C9orf43: variants seen among roughly 807,000 people sequenced by gnomAD.
The protein encoded by C9orf43 is chromosome 9 open reading frame 43.
Under a neutral mutation model 59.1 loss-of-function variants are expected in C9orf43, and 45 were observed. That is an observed-to-expected ratio of 0.76 (90% CI 0.60 to 0.98). C9orf43 has a LOEUF of 0.98. C9orf43 is among the 50% of genes least tolerant of loss of function. C9orf43 has a pLI of 0.00. For synonymous variants in C9orf43, 203 were observed against 196.8 expected, an observed-to-expected ratio of 1.03 and a Z score of -0.26; for missense variants, 533 against 554.9, an observed-to-expected ratio of 0.96 and a Z score of 0.40.
intron 3 of C9orf43, among the ~76,000 whole-genome samples, chr9:113,415,561 T>G (rs1471943437): frequency 6.6e-6 from 1 of 152,038 alleles, no homozygotes; most frequent in Non-Finnish European, 1.5e-5. Flanking sequence ...AATCCCAGAG[T>G]GTTAGGATTA....
intron 4 of C9orf43, chr9:113,420,766 A>T (rs1157502374): frequency 1.0e-6 from 1 of 985,248 alleles, no homozygotes; most frequent in Non-Finnish European, 1.2e-6. Context: ...GTGGGATCTA[A>T]GTCTTTGGAG....
intron 9 of C9orf43, 54 bp downstream of exon 9, chr9:113,425,130 T>C (rs1828740021): frequency 3.9e-6 from 6 of 1,554,836 alleles, no homozygotes; most frequent in Admixed American, 1.7e-5. Context: ...TTAGCCCACA[T>C]TTCTCATACT....
At chr9:113,427,166 C>T (rs1217525015) in intron 11 of C9orf43, among the ~76,000 whole-genome samples, 1 of 152,054 alleles carries the variant, frequency 6.6e-6, no homozygotes, top group Non-Finnish European at 1.5e-5. Flanking sequence ...AATTGTGAAG[C>T]TTTTATTTAT....
intron 10 of C9orf43, 28 bp downstream of exon 10, chr9:113,425,448 G>C (rs1160024822): frequency 6.2e-7 from 1 of 1,601,060 alleles, no homozygotes. Flanking sequence ...GGCTTGCTGG[G>C]ACTGGGAGAG....
Position 113,428,968 on chromosome 9 carries a change from G to A in C9orf43, c.1171+5G>A, listed in dbSNP as rs753840737. The A allele has an allele frequency of 2.5e-6, 4 of 1,611,970 alleles. No individual in the cohort carries two copies. The South Asian group carries it at 4.4e-5, about 18-fold the overall frequency. On this transcript the variant is annotated splice_donor_5th_base_variant and intron_variant, in intron 13 of 13. Transcript: ENST00000374165. ...ATTTCCACCACAGTGTAAAAAGTAA[G>A]TTACTAGAGTAGAGGAACCTTAGTA...
chr9:113,417,409 A>G (rs1420743685), intron 3 of C9orf43, among the ~76,000 whole-genome samples: 1 of 152,210 alleles, frequency 6.6e-6, no homozygotes, highest in Middle Eastern at 3.2e-3. Flanking sequence ...TAGTCATTCA[A>G]TTCACAACTG....
chr9:113,423,468 C>G lies in C9orf43; in HGVS notation c.626C>G (p.Ser209Cys). 1 of 1,613,986 alleles carries G rather than the reference C, an allele frequency of 6.2e-7. No homozygotes were observed. Among genetic ancestry groups the G allele is most frequent in the Non-Finnish European group, 8.5e-7 (1 of 1,179,896 alleles). Residue 209 changes from serine (S) to cysteine (C), a missense_variant, in exon 7 of 14, where the codon TCC (serine) becomes TGC (cysteine). Ser to Cys is a moderately radical substitution (Grantham distance 112). Coordinates refer to ENST00000374165, the MANE Select transcript of C9orf43 (RefSeq NM_001278629.2). ...SSDFLPLWAQSEALPQDLLKE... is the reference protein window; with the variant it reads ...SSDFLPLWAQCEALPQDLLKE... ...GATTTCCTACCTCTCTGGGCTCAATCCGAAGCGTTACCTCAGGATCTACTG... is the reference window on the plus strand; with the variant it reads ...GATTTCCTACCTCTCTGGGCTCAATGCGAAGCGTTACCTCAGGATCTACTG...
In C9orf43 at chr9:113,410,902, C is replaced by G. The variant is rs1006365419; in HGVS notation, c.-149C>G. 5 of 980,530 alleles carry G rather than the reference C, an allele frequency of 5.1e-6. No individual in the cohort carries two copies. Among genetic ancestry groups the G allele is most frequent in the Non-Finnish European group, 6.1e-6 (5 of 824,880 alleles). 60.7% of individuals were successfully genotyped at this position (980,530 alleles called of 1,614,324 possible). On this transcript the variant is annotated 5_prime_UTR_variant, in exon 1 of 14. Coordinates refer to ENST00000374165, the MANE Select transcript of C9orf43 (RefSeq NM_001278629.2). ...CGTCGTGATCAGATTCTCCCACTTT[C>G]TTTTTTCTTTCCTGGAATGGAGTGG...
chr9:113,427,133 C>T (rs375572290), intron 11 of C9orf43, among the ~76,000 whole-genome samples: 8 of 152,204 alleles, frequency 5.3e-5, no homozygotes, highest in African/African-American at 1.2e-4. Flanking sequence ...AGTGGTGCTC[C>T]GCCTTGACTG....
intron 3 of C9orf43, among the ~76,000 whole-genome samples, chr9:113,414,287 T>G (rs1041301789): frequency 6.6e-6 from 1 of 152,074 alleles, no homozygotes; most frequent in African/African-American, 2.4e-5. Flanking sequence ...TTATTTTTTT[T>G]GAGACAGGGT....
rs1199095831 is a variant in C9orf43, at chr9:113,428,979, A to G, written c.1171+16A>G. On this transcript the variant is annotated intron_variant, in intron 13 of 13. Coordinates refer to ENST00000374165, the MANE Select transcript of C9orf43 (RefSeq NM_001278629.2). Reference sequence around the variant, plus strand: ...AGTGTAAAAAGTAAGTTACTAGAGTAGAGGAACCTTAGTAAGTGACTGAGG... The same window carrying G: ...AGTGTAAAAAGTAAGTTACTAGAGTGGAGGAACCTTAGTAAGTGACTGAGG... 1.2e-6 allele frequency: 2 copies of G among 1,607,422 alleles called. No homozygotes were observed. Among genetic ancestry groups the G allele is most frequent in the East Asian group, 4.5e-5 (2 of 44,864 alleles).
chr9:113,420,152 G>T (rs1283209957), intron 4 of C9orf43, among the ~76,000 whole-genome samples: 1 of 152,076 alleles, frequency 6.6e-6, no homozygotes, highest in Non-Finnish European at 1.5e-5. Context: ...GGAGTGCAGT[G>T]GTATGATCAT....
rs544935429 is a variant in C9orf43 at position 113,427,539 on chromosome 9, G to GA, written c.1031-608_1031-607insA. 7.9e-4 allele frequency among the ~76,000 whole-genome samples: 120 copies of GA among 152,312 alleles called. 1 individual carries two copies. The highest frequency in any genetic ancestry group is 3.4e-3 in the Middle Eastern group (1 of 294). On this transcript the variant is annotated intron_variant, in intron 11 of 13. Coordinates refer to ENST00000374165, the MANE Select transcript of C9orf43 (RefSeq NM_001278629.2). Reference sequence around the variant, plus strand: ...CAGCTATTAAGTCAGAATTTCTGATGGTAGGAACTAGGCCTCAGTGTTTTT... The same window carrying GA: ...CAGCTATTAAGTCAGAATTTCTGATGAGTAGGAACTAGGCCTCAGTGTTTTT...
At chr9:113,423,548 G>A in intron 7 of C9orf43, 50 bp downstream of exon 7, 1 of 1,568,690 alleles carries the variant, frequency 6.4e-7, no homozygotes, top group Non-Finnish European at 8.7e-7. Context: ...GCTTTTTACT[G>A]AAGCTGGGAT....
intron 8 of C9orf43, 97 bp from the exon 9 acceptor site, chr9:113,424,922 G>C (rs1828725417): frequency 9.7e-7 from 1 of 1,031,982 alleles, no homozygotes; most frequent in African/African-American, 1.6e-5. Flanking sequence ...CTTAAAATGT[G>C]CTTGTTGACT....
rs900049850 is a variant in C9orf43, at chr9:113,429,639, A to T, written c.*253A>T. ...TTTAAATTTAGATTATTTCCTTTCC[A>T]TTAGGGTCAGAATAATTTTGGTGAT... On this transcript the variant is annotated 3_prime_UTR_variant, in exon 14 of 14. Transcript: ENST00000374165. 2.3e-6 allele frequency: 1 copy of T among 438,564 alleles called. No homozygotes were observed. The highest frequency in any genetic ancestry group is 4.1e-6 in the Non-Finnish European group (1 of 246,632). 27.2% of individuals were successfully genotyped at this position (438,564 alleles called of 1,614,324 possible). A position where few individuals can be genotyped will look rare whatever the true frequency, so the allele number is the denominator to read the frequency against.
In C9orf43 at chr9:113,423,873, G is replaced by A. The variant is rs190801268; in HGVS notation, c.657-293G>A. Among the ~76,000 whole-genome samples the A allele has an allele frequency of 7.9e-5, 12 of 152,282 alleles. No homozygotes were observed. In the East Asian group the frequency reaches 2.3e-3, roughly 29 times the overall value. ...AACTTAACTGGCTATATGAATTTTGGTAATGTATTTAGCCTCTTAAAGCTT... is the reference window on the plus strand; with the variant it reads ...AACTTAACTGGCTATATGAATTTTGATAATGTATTTAGCCTCTTAAAGCTT... On this transcript the variant is annotated intron_variant, in intron 7 of 13. Coordinates refer to ENST00000374165, the MANE Select transcript of C9orf43 (RefSeq NM_001278629.2).
At chr9:113,412,502 T>G (rs577838696) in intron 1 of C9orf43, among the ~76,000 whole-genome samples, 2 of 152,172 alleles carry the variant, frequency 1.3e-5, no homozygotes, top group South Asian at 4.1e-4. Context: ...AAGAAAGAAA[T>G]GGACACTGTC....
At chr9:113,427,711 A>T (rs1031307184) in intron 11 of C9orf43, among the ~76,000 whole-genome samples, 4 of 152,180 alleles carry the variant, frequency 2.6e-5, no homozygotes, top group Admixed American at 2.6e-4. Context: ...GGAAAGGGAG[A>T]TTGAGAAAAG....
Sources: allele counts gnomAD v4.1 joint callset (sites outside exome capture counted in the v4.1 genomes callset), GRCh38; gene constraint gnomAD v4.1.1; transcripts MANE v1.5; gene names NCBI Gene and HGNC (gene_info 2026-07-23, HGNC 2026-07-21).